The following CDH10 variants were observed in gnomAD, a reference collection of about 807,000 sequenced individuals.
CDH10 encodes the protein cadherin-10.
Under a neutral mutation model 73.1 loss-of-function variants are expected in CDH10, and 30 were observed. The observed-to-expected ratio is 0.41, with a 90% confidence interval of 0.31 to 0.56. CDH10 has a LOEUF of 0.56. Among genes scored for constraint, CDH10 ranks in the 20% least tolerant of loss-of-function variants. The probability of loss-of-function intolerance (pLI) is 0.27; values close to 1 mark genes in which losing one functional copy is unlikely to be tolerated. For missense variants in CDH10, 815 were observed against 973.7 expected (o/e 0.84, Z 2.17); for synonymous variants, 345 against 348.2 (o/e 0.99, Z 0.10).
intron 2 of CDH10, among the ~76,000 whole-genome samples, chr5:24,574,276 A>C (rs1745514803): frequency 6.6e-6 from 1 of 152,092 alleles, no homozygotes. Flanking sequence ...TAGTGACCAA[A>C]TATGTCACTT....
intron 2 of CDH10, among the ~76,000 whole-genome samples, chr5:24,548,169 C>G (rs1326838154): frequency 6.6e-6 from 1 of 151,548 alleles, no homozygotes; most frequent in Non-Finnish European, 1.5e-5. Context: ...GCCCTGTCAC[C>G]TAGGCTGGAG....
In CDH10 at chr5:24,593,535, C is replaced by T. The variant is rs184896083; in HGVS notation, c.-45G>A. 1,627 of 1,066,720 alleles carry T rather than the reference C, an allele frequency of 1.5e-3. 18 individuals are homozygous for T. In the African/African-American group the frequency reaches 0.023, roughly 15 times the overall value. The allele number at this position is 1,066,720 out of a possible 1,614,324, so 66.1% of individuals were successfully genotyped here. The stretch of plus-strand genomic sequence containing the variant: ...CCCAGTGTAGATGAAGAGAAGTGGT[C>T]CTATTTTACCCAGTTGGTTTTACTG... On this transcript the variant is annotated 5_prime_UTR_variant, in exon 2 of 12. Transcript: ENST00000264463.
intron 2 of CDH10, among the ~76,000 whole-genome samples, chr5:24,572,621 T>C (rs528622314): frequency 6.7e-6 from 1 of 150,008 alleles, no homozygotes; most frequent in Non-Finnish European, 1.5e-5. Context: ...GGATCAGTTC[T>C]GGCAGAAAAA....
At chr5:24,544,767 A>G (rs954769360) in intron 2 of CDH10, among the ~76,000 whole-genome samples, 8 of 152,206 alleles carry the variant, frequency 5.3e-5, no homozygotes, top group African/African-American at 1.9e-4. Context: ...AGACTTCTTC[A>G]TGAGAATGCT....
intron 3 of CDH10, 98 bp downstream of exon 3, chr5:24,537,282 C>T: frequency 2.5e-6 from 2 of 795,630 alleles, no homozygotes; most frequent in South Asian, 3.8e-5. Flanking sequence ...GGTAGCAAAT[C>T]AAAGAGGATT....
chr5:24,497,136 A>G (rs1227266611), intron 9 of CDH10, among the ~76,000 whole-genome samples: 1 of 152,108 alleles, frequency 6.6e-6, no homozygotes, highest in Admixed American at 6.5e-5. Flanking sequence ...AAGAAAATAG[A>G]CAGAAGGAAA....
chr5:24,611,397 C>T (rs1438978883), intron 1 of CDH10, among the ~76,000 whole-genome samples: 1 of 151,924 alleles, frequency 6.6e-6, no homozygotes, highest in Non-Finnish European at 1.5e-5. Flanking sequence ...GCCTGGACAA[C>T]ACAGGGAGAC....
intron 2 of CDH10, 151 bp from the exon 3 acceptor site, chr5:24,537,825 C>T (rs571363872): frequency 4.0e-5 from 22 of 556,568 alleles, no homozygotes; most frequent in South Asian, 7.5e-5. Context: ...TTTGATCACA[C>T]GCATTTATAC....
chr5:24,554,542 T>C (rs1744697255), intron 2 of CDH10, among the ~76,000 whole-genome samples: 1 of 151,002 alleles, frequency 6.6e-6, no homozygotes, highest in Admixed American at 6.6e-5. Flanking sequence ...TTTTTCTTGA[T>C]GGCTTTCCTC....
intron 9 of CDH10, among the ~76,000 whole-genome samples, chr5:24,495,760 T>C (rs887410916): frequency 1.3e-5 from 2 of 150,190 alleles, no homozygotes; most frequent in Non-Finnish European, 2.9e-5. Context: ...GGCAGGAGAA[T>C]CACTTGAACC....
chr5:24,511,249 C>T, intron 6 of CDH10, 78 bp downstream of exon 6: 1 of 831,574 alleles, frequency 1.2e-6, no homozygotes, highest in Non-Finnish European at 2.0e-6. Context: ...CCCAATGGAT[C>T]ATTCATGAGC....
intron 1 of CDH10, among the ~76,000 whole-genome samples, chr5:24,628,985 A>T (rs1472668894): frequency 6.6e-6 from 1 of 152,100 alleles, no homozygotes; most frequent in African/African-American, 2.4e-5. Context: ...ATTATATGCC[A>T]CCAAGTACTT....
At chr5:24,570,912 A>T (rs1745357532) in intron 2 of CDH10, among the ~76,000 whole-genome samples, 1 of 151,942 alleles carries the variant, frequency 6.6e-6, no homozygotes, top group Non-Finnish European at 1.5e-5. Flanking sequence ...TTCAGTGTGT[A>T]GTGTGAATGT....
rs1030424319 is a variant in CDH10 at position 24,590,498 on chromosome 5, G to A, written c.231+2762C>T. ...AAGAGAAGTTGATAAACCAAGGGGA[G>A]AGAAACAGTGGCAAAAACAATGTCA... On this transcript the variant is annotated intron_variant, in intron 2 of 11. Coordinates refer to ENST00000264463, the MANE Select transcript of CDH10 (RefSeq NM_006727.5). 5.3e-5 allele frequency among the ~76,000 whole-genome samples: 8 copies of A among 151,864 alleles called. No homozygotes were observed. In the East Asian group the frequency reaches 7.7e-4, roughly 15 times the overall value.
chr5:24,519,466 C>T lies in CDH10; in HGVS notation c.815-7952G>A, dbSNP rs191720336. Among the ~76,000 whole-genome samples the T allele has an allele frequency of 7.2e-3, 1,099 of 152,080 alleles. 13 individuals carry two copies. The highest frequency in any genetic ancestry group is 0.026 in the African/African-American group (1,060 of 41,434). On this transcript the variant is annotated intron_variant, in intron 5 of 11. Transcript: ENST00000264463. ...AATAAAGAGAAGAAGATAGTTTCAG[C>T]ACACATACTTACAAATACAGTATGT... is the stretch of plus-strand genomic sequence containing the variant.
chr5:24,610,034 G>A (rs1457396069), intron 1 of CDH10: 1 of 152,232 alleles, frequency 6.6e-6, no homozygotes, highest in African/African-American at 2.4e-5. Flanking sequence ...CTCGCATATG[G>A]CAAGGAGGCC....
intron 6 of CDH10, 63 bp from the exon 7 acceptor site, chr5:24,509,882 G>C (rs1742836017): frequency 5.4e-6 from 7 of 1,294,554 alleles, no homozygotes; most frequent in Non-Finnish European, 6.5e-6. Context: ...CTCCCACCCA[G>C]TTACAGTATG....
intron 2 of CDH10, among the ~76,000 whole-genome samples, chr5:24,576,795 C>CTATG (rs1230379314): frequency 1.3e-5 from 2 of 152,008 alleles, no homozygotes; most frequent in African/African-American, 4.8e-5. Flanking sequence ...TAAGAGTGGA[C>CTATG]TATGCTTAGT....
chr5:24,627,086 A>G (rs1215623622), intron 1 of CDH10, among the ~76,000 whole-genome samples: 6 of 151,914 alleles, frequency 3.9e-5, no homozygotes, highest in African/African-American at 1.4e-4. Context: ...TTCTATGCAC[A>G]TTAAGTAATA....
Sources: allele counts gnomAD v4.1 joint callset (sites outside exome capture counted in the v4.1 genomes callset), GRCh38; gene constraint gnomAD v4.1.1; transcripts MANE v1.5; gene names NCBI Gene and HGNC (gene_info 2026-07-23, HGNC 2026-07-21).